The following TAMALIN variants were observed in gnomAD, a reference collection of about 807,000 sequenced individuals.
The protein encoded by TAMALIN is protein TAMALIN.
A neutral mutation model predicts 38.5 loss-of-function variants in TAMALIN; 9 were observed. The observed-to-expected ratio is 0.23, with a 90% confidence interval of 0.14 to 0.41. The LOEUF (loss-of-function observed/expected upper bound fraction) is 0.41. Among genes scored for constraint, TAMALIN ranks in the 10% least tolerant of loss-of-function variants. TAMALIN has a pLI of 1.00. For missense variants in TAMALIN, 548 were observed against 554.1 expected (o/e 0.99, Z 0.11); for synonymous variants, 306 against 256.5 (o/e 1.19, Z -1.85).
At chr12:52,008,437 C>T in intron 1 of TAMALIN, 1 of 849,238 alleles carries the variant, frequency 1.2e-6, no homozygotes, top group Non-Finnish European at 1.4e-6. Context: ...CTAAAGAACT[C>T]CCAGTCTCGG....
chr12:52,007,013 C>T lies in TAMALIN; in HGVS notation c.-7C>T, dbSNP rs374189430. On this transcript the variant is annotated 5_prime_UTR_variant, in exon 1 of 8. Transcript: ENST00000293662. This position sits in a 1 kb window ranked among gnomAD's most constrained non-coding sequence, Gnocchi z 6.7. ...GCCGTCTCTGAGGGGCGTCCGGCGC[C>T]GGAGCCATGACCCTCCGCCGACTCA... The T allele has an allele frequency of 3.0e-5, 41 of 1,386,176 alleles. No homozygotes were observed. In the East Asian group the frequency reaches 3.4e-4, roughly 11 times the overall value. The allele number at this position is 1,386,176 out of a possible 1,614,324, so 85.9% of individuals were successfully genotyped here. A position where few individuals can be genotyped will look rare whatever the true frequency, so the allele number is the denominator to read the frequency against.
intron 4 of TAMALIN, 111 bp from the exon 5 acceptor site, chr12:52,013,576 G>T: frequency 1.2e-6 from 1 of 803,482 alleles, no homozygotes; most frequent in Non-Finnish European, 2.1e-6. Flanking sequence ...GGGAGTTCAG[G>T]AGTATTCCCT....
chr12:52,014,615 G>A lies in TAMALIN; in HGVS notation c.683-79G>A, dbSNP rs1234995917. 2.8e-5 allele frequency: 32 copies of A among 1,139,010 alleles called. 1 individual carries two copies. The highest frequency in any genetic ancestry group is 1.4e-5 in the Non-Finnish European group (12 of 835,536). 70.6% of individuals were successfully genotyped at this position (1,139,010 alleles called of 1,614,324 possible). Reference sequence around the variant, plus strand: ...CAGCAGGACGGAGCGGGGACGCCCCGCCCATGCCCTCCGACCCTTTGCAGA... The same window carrying A: ...CAGCAGGACGGAGCGGGGACGCCCCACCCATGCCCTCCGACCCTTTGCAGA... On this transcript the variant is annotated intron_variant, in intron 7 of 7. Transcript: ENST00000293662.
In TAMALIN at chr12:52,015,420, A is replaced by G; in HGVS notation, c.*221A>G. The stretch of plus-strand genomic sequence containing the variant: ...GCCAAACCACAGTGGGAGCTGGGGC[A>G]GGGGGAGAGCCAGGCAATCGGGGGC... On this transcript the variant is annotated 3_prime_UTR_variant, in exon 8 of 8. Coordinates refer to ENST00000293662, the MANE Select transcript of TAMALIN (RefSeq NM_181711.4). 3 of 527,218 alleles carry G rather than the reference A, an allele frequency of 5.7e-6. No homozygotes were observed. Among genetic ancestry groups the G allele is most frequent in the Non-Finnish European group, 3.2e-6 (1 of 308,724 alleles). 32.7% of individuals were successfully genotyped at this position (527,218 alleles called of 1,614,324 possible). A position where few individuals can be genotyped will look rare whatever the true frequency, so the allele number is the denominator to read the frequency against.
intron 4 of TAMALIN, among the ~76,000 whole-genome samples, chr12:52,012,712 A>G (rs1937679820): frequency 6.6e-6 from 1 of 152,142 alleles, no homozygotes; most frequent in Non-Finnish European, 1.5e-5. Flanking sequence ...CTCCCTCCCC[A>G]TCATCCCTGA....
Position 52,014,922 on chromosome 12 carries a change from C to T in TAMALIN, c.911C>T (p.Pro304Leu), listed in dbSNP as rs1937760900. The T allele has an allele frequency of 1.9e-6, 2 of 1,059,478 alleles. No homozygotes were observed. The highest frequency in any genetic ancestry group is 3.6e-5 in the South Asian group (1 of 27,508). The allele number at this position is 1,059,478 out of a possible 1,614,324, so 65.6% of individuals were successfully genotyped here. A position where few individuals can be genotyped will look rare whatever the true frequency, so the allele number is the denominator to read the frequency against. ...EPPALPPPPP[P>L]ARAFGPGPAE... ...CCGGCGCTGCCGCCCCCGCCGCCCC[C>T]GGCCCGCGCCTTCGGCCCGGGCCCC... Residue 304 changes from proline to leucine, a missense_variant, in exon 8 of 8, where the codon CCG becomes CTG. By Grantham distance (98) the Pro-to-Leu change is moderately conservative. This residue lies in a region of TAMALIN where 415 missense variants were observed against 417.0 expected (regional missense o/e 1.00). Transcript: ENST00000293662.
intron 1 of TAMALIN, chr12:52,008,324 C>CA: frequency 1.0e-6 from 1 of 985,168 alleles, no homozygotes; most frequent in Non-Finnish European, 1.2e-6. Flanking sequence ...CTCCCAGGAC[C>CA]AAAAAGTTAG....
intron 1 of TAMALIN, chr12:52,008,260 A>G (rs1362164779): frequency 1.0e-6 from 1 of 985,326 alleles, no homozygotes; most frequent in Non-Finnish European, 1.2e-6. Context: ...CAGAACAGAA[A>G]GGCCCTGGGC....
intron 7 of TAMALIN, 27 bp from the exon 8 acceptor site, chr12:52,014,667 C>T (rs1398552599): frequency 7.6e-6 from 11 of 1,451,878 alleles, no homozygotes; most frequent in Non-Finnish European, 9.9e-6. Context: ...GCCTGACCCG[C>T]CCCCTACCTC....
chr12:52,009,130 C>T, intron 1 of TAMALIN, 60 bp from the exon 2 acceptor site: 2 of 1,532,526 alleles, frequency 1.3e-6, no homozygotes, highest in Non-Finnish European at 1.8e-6. Flanking sequence ...GGTAACCTCT[C>T]AGTGTCTGCT....
chr12:52,014,744 T>A lies in TAMALIN; in HGVS notation c.733T>A (p.Ser245Thr). 6.6e-7 allele frequency: 1 copy of A among 1,519,614 alleles called. No individual in the cohort carries two copies. Among genetic ancestry groups the A allele is most frequent in the East Asian group, 2.6e-5 (1 of 39,204 alleles). 94.1% of individuals were successfully genotyped at this position (1,519,614 alleles called of 1,614,324 possible). The change falls in exon 8 of 8, where the codon TCC becomes ACC. Residue 245 changes from serine to threonine, a missense_variant. Ser to Thr is a moderately conservative substitution (Grantham distance 58). Around this residue, in one of 3 missense-constraint regions of TAMALIN, gnomAD observed 415 missense variants for 417.0 expected, o/e 1.00. Transcript: ENST00000293662. ...CTACGACACGCTGGAGTCGGTGCGC[T>A]CCTGCCTCTACGGCGCGGGCCTGCT... ...SIYDTLESVR[S>T]CLYGAGLLPG...
chr12:52,010,548 G>A lies in TAMALIN; in HGVS notation c.297-333G>A, dbSNP rs1349300626. 2.6e-6 allele frequency: 3 copies of A among 1,145,360 alleles called. No individual in the cohort carries two copies. In the African/African-American group the frequency reaches 4.8e-5, roughly 18 times the overall value. The allele number at this position is 1,145,360 out of a possible 1,614,324, so 70.9% of individuals were successfully genotyped here. A position where few individuals can be genotyped will look rare whatever the true frequency, so the allele number is the denominator to read the frequency against. ...GGCTCCAGGCTGTGGCTGAATTTCG[G>A]GCCTTAGCTAGTCAGTAAGTGGTAC... is the stretch of plus-strand genomic sequence containing the variant. On this transcript the variant is annotated intron_variant, in intron 2 of 7. Transcript: ENST00000293662.
chr12:52,014,810 G>C lies in TAMALIN; in HGVS notation c.799G>C (p.Gly267Arg), dbSNP rs1464769085. The stretch of plus-strand genomic sequence containing the variant: ...CTTCGGGCCTCTGCTCGCCGTGCCC[G>C]GGCGTCCCCGCGGAGGCGCCCGACG... Reference protein sequence around the residue: ...LPFGPLLAVPGRPRGGARRAR... With the variant: ...LPFGPLLAVPRRPRGGARRAR... The change falls in exon 8 of 8, where the codon GGG (glycine) becomes CGG (arginine). Residue 267 changes from glycine to arginine, a missense_variant. Around this residue, in one of 3 missense-constraint regions of TAMALIN, gnomAD observed 415 missense variants for 417.0 expected, o/e 1.00. Transcript: ENST00000293662. 3 of 1,365,932 alleles carry C rather than the reference G, an allele frequency of 2.2e-6. No individual in the cohort carries two copies. The highest frequency in any genetic ancestry group is 3.6e-5 in the Admixed American group (1 of 27,694). The allele number at this position is 1,365,932 out of a possible 1,614,324, so 84.6% of individuals were successfully genotyped here.
At position 52,007,289 on chromosome 12, in the gene TAMALIN, G is replaced by A; in HGVS notation, c.246+24G>A. 2.1e-6 allele frequency: 3 copies of A among 1,398,192 alleles called. No individual in the cohort carries two copies. The highest frequency in any genetic ancestry group is 1.9e-4 in the Middle Eastern group (1 of 5,218). The allele number at this position is 1,398,192 out of a possible 1,614,324, so 86.6% of individuals were successfully genotyped here. A position where few individuals can be genotyped will look rare whatever the true frequency, so the allele number is the denominator to read the frequency against. On this transcript the variant is annotated intron_variant, in intron 1 of 7. Coordinates refer to ENST00000293662, the MANE Select transcript of TAMALIN (RefSeq NM_181711.4). This position sits in a 1 kb window ranked among gnomAD's most constrained non-coding sequence, Gnocchi z 6.7. ...AGGTGCGTCCCCCGCCCGCCTTCAG[G>A]ATCTGCTCAGCCCCTCTCCGACTCC...
chr12:52,012,763 G>A (rs1363427852), intron 4 of TAMALIN, among the ~76,000 whole-genome samples: 1 of 152,212 alleles, frequency 6.6e-6, no homozygotes, highest in Non-Finnish European at 1.5e-5. Flanking sequence ...TTACAGATAG[G>A]AATGGGGCCC....
rs2051793148 is a variant in TAMALIN, at chr12:52,011,579, G to A, written c.454+438G>A. ...ATGGGCCCAGTGCTGAGGAACCGAT[G>A]TTACTCCCTTTTAAAAAATTAGAAA... On this transcript the variant is annotated intron_variant, in intron 4 of 7. Coordinates refer to ENST00000293662, the MANE Select transcript of TAMALIN (RefSeq NM_181711.4). This position sits in a 1 kb window ranked among gnomAD's most constrained non-coding sequence, Gnocchi z 5.3. Among the ~76,000 whole-genome samples the A allele has an allele frequency of 6.8e-6, 1 of 146,262 alleles. No individual in the cohort carries two copies. The highest frequency in any genetic ancestry group is 2.6e-5 in the African/African-American group (1 of 39,048).
intron 4 of TAMALIN, chr12:52,013,357 G>A (rs373594952): frequency 1.2e-4 from 33 of 265,010 alleles, no homozygotes; most frequent in Admixed American, 9.9e-4. Context: ...GATTACAGGC[G>A]TGAGCCACCG....
intron 2 of TAMALIN, chr12:52,010,576 TAG>T: frequency 8.2e-7 from 1 of 1,213,786 alleles, no homozygotes; most frequent in Non-Finnish European, 1.0e-6. Flanking sequence ...AGTGGTACTG[TAG>T]GGCTCACTGG....
At position 52,007,190 on chromosome 12, in the gene TAMALIN, G is replaced by A. The variant is rs747733512; in HGVS notation, c.171G>A (p.Ala57=). The A allele has an allele frequency of 1.3e-5, 20 of 1,516,744 alleles. No individual in the cohort carries two copies. In the East Asian group the frequency reaches 4.4e-4, roughly 34 times the overall value. 94.0% of individuals were successfully genotyped at this position (1,516,744 alleles called of 1,614,324 possible). The part of the protein sequence containing the change: ...TPGPPADELY[A]ALEDYHPAEL... The stretch of plus-strand genomic sequence containing the variant: ...GGCCCCCAGCGGACGAGCTGTACGC[G>A]GCGCTGGAGGACTATCACCCTGCCG... Residue 57 remains alanine, a synonymous_variant, in exon 1 of 8, where the codon GCG becomes GCA. Coordinates refer to ENST00000293662, the MANE Select transcript of TAMALIN (RefSeq NM_181711.4). The surrounding 1 kb of genome is among the most constrained non-coding windows in gnomAD (Gnocchi z 6.7).
Sources: allele counts gnomAD v4.1 joint callset (sites outside exome capture counted in the v4.1 genomes callset), GRCh38; gene constraint gnomAD v4.1.1; regional missense constraint gnomAD v4.1.1; non-coding constraint Gnocchi (gnomAD v3.1); transcripts MANE v1.5; gene names NCBI Gene and HGNC (gene_info 2026-07-23, HGNC 2026-07-21).